RFWD3: variants seen among roughly 807,000 people sequenced by gnomAD.
RFWD3 encodes the protein ring finger and WD repeat domain 3, also known as E3 ubiquitin-protein ligase RFWD3.
A neutral mutation model predicts 87.7 loss-of-function variants in RFWD3; 65 were observed. The observed-to-expected ratio is 0.74, with a 90% CI of 0.61 to 0.91. The LOEUF (loss-of-function observed/expected upper bound fraction) is 0.91, where lower values mean the gene tolerates loss of function less well. Among genes scored for constraint, RFWD3 ranks in the 40% least tolerant of loss-of-function variants. The pLI is 0.00. For synonymous variants in RFWD3, 433 were observed against 352.8 expected, an observed-to-expected ratio of 1.23 and a Z score of -2.55; for missense variants, 1,078 against 938.5, an observed-to-expected ratio of 1.15 and a Z score of -1.94.
In RFWD3 at chr16:74,666,845, G is replaced by A. The variant is rs4887783; in HGVS notation, c.-62C>T. 6.6e-6 allele frequency: 1 copy of A among 150,860 alleles called. No homozygotes were observed. Among genetic ancestry groups the A allele is most frequent in the Non-Finnish European group, 1.5e-5 (1 of 67,736 alleles). The allele number at this position is 150,860 out of a possible 1,614,324, so 9.3% of individuals were successfully genotyped here. A position where few individuals can be genotyped will look rare whatever the true frequency, so the allele number is the denominator to read the frequency against. Reference sequence around the variant, plus strand: ...CCGCCGAAGACTCGGTAGTTACCTCGGCCGCACTCCGAATGCACCTACGCC... The same window carrying A: ...CCGCCGAAGACTCGGTAGTTACCTCAGCCGCACTCCGAATGCACCTACGCC... On this transcript the variant is annotated 5_prime_UTR_variant, in exon 1 of 13. Coordinates refer to ENST00000361070, the MANE Select transcript of RFWD3 (RefSeq NM_018124.4).
At chr16:74,665,482 G>A (rs555989390) in intron 1 of RFWD3, among the ~76,000 whole-genome samples, 242 of 152,196 alleles carry the variant, frequency 1.6e-3, no homozygotes, top group Middle Eastern at 3.4e-3. Flanking sequence ...GGAGGCTGAG[G>A]CAGGAGAATC....
intron 4 of RFWD3, 130 bp downstream of exon 4, chr16:74,649,002 A>G: frequency 2.1e-6 from 1 of 474,124 alleles, no homozygotes; most frequent in Non-Finnish European, 3.7e-6. Flanking sequence ...GGATCCTTTG[A>G]GCCCAGGAGT....
At position 74,623,098 on chromosome 16, in the gene RFWD3, T is replaced by G. The variant is rs1022636073; in HGVS notation, c.*830A>C. The G allele has an allele frequency of 8.5e-5, 13 of 152,232 alleles. No homozygotes were observed. Among genetic ancestry groups the G allele is most frequent in the African/African-American group, 3.1e-4 (13 of 41,440 alleles). The allele number at this position is 152,232 out of a possible 1,614,324, so 9.4% of individuals were successfully genotyped here. A position where few individuals can be genotyped will look rare whatever the true frequency, so the allele number is the denominator to read the frequency against. ...CATCTTTTCCTGGCAAGAGATAGTG[T>G]TCTTCAAAGCACTAGCTTGGATAAA... On this transcript the variant is annotated 3_prime_UTR_variant, in exon 13 of 13. Transcript: ENST00000361070.
chr16:74,630,554 A>G (rs542337447), intron 10 of RFWD3, among the ~76,000 whole-genome samples: 2 of 152,338 alleles, frequency 1.3e-5, no homozygotes, highest in East Asian at 3.9e-4. Context: ...GATGATTACT[A>G]TGAACCTGGC....
intron 9 of RFWD3, among the ~76,000 whole-genome samples, chr16:74,631,207 G>C (rs1959082324): frequency 2.0e-5 from 3 of 152,154 alleles, no homozygotes; most frequent in Admixed American, 2.0e-4. Flanking sequence ...AAAAGGGCTG[G>C]ACATGGTGGC....
chr16:74,628,528 C>A lies in RFWD3; in HGVS notation c.1893G>T (p.Leu631=), dbSNP rs748358449. 1.9e-6 allele frequency: 3 copies of A among 1,614,226 alleles called. No individual in the cohort carries two copies. In the South Asian group the frequency reaches 3.3e-5, roughly 18 times the overall value. Reference sequence around the variant, plus strand: ...CTATGCAGCCCCCTGGCTCCAAGGGCAGCACATGAGGCCAATGAGAAAAGT... The same window carrying A: ...CTATGCAGCCCCCTGGCTCCAAGGGAAGCACATGAGGCCAATGAGAAAAGT... ...KMDFSHWPHV[L]PLEPGGCIDF... The change falls in exon 11 of 13, where the codon CTG becomes CTT. Residue 631 remains leucine, a synonymous_variant. Transcript: ENST00000361070.
intron 11 of RFWD3, 73 bp downstream of exon 11, chr16:74,628,379 G>A: frequency 4.2e-6 from 6 of 1,438,576 alleles, no homozygotes; most frequent in South Asian, 1.2e-5. Flanking sequence ...CAAAGGGTAG[G>A]ATCAAACCCT....
intron 6 of RFWD3, chr16:74,643,973 G>T (rs995068760): frequency 2.7e-5 from 7 of 258,212 alleles, no homozygotes; most frequent in South Asian, 9.8e-5. Flanking sequence ...CACCATGCCC[G>T]GCCCTAGCAA....
chr16:74,657,343 C>A (rs1176162316), intron 2 of RFWD3, among the ~76,000 whole-genome samples: 1 of 152,146 alleles, frequency 6.6e-6, no homozygotes, highest in African/African-American at 2.4e-5. Context: ...TTGCTATAAG[C>A]ATTTGGTCAG....
chr16:74,628,710 G>A (rs774084387), intron 10 of RFWD3, 44 bp from the exon 11 acceptor site: 23 of 1,587,848 alleles, frequency 1.4e-5, no homozygotes, highest in South Asian at 4.4e-5. Context: ...TCCAAAACTC[G>A]GACGGCTCCA....
chr16:74,636,009 C>T (rs923155328), intron 8 of RFWD3, among the ~76,000 whole-genome samples: 9 of 152,182 alleles, frequency 5.9e-5, no homozygotes, highest in Non-Finnish European at 1.2e-4. Flanking sequence ...ACCCTTAGGG[C>T]TGTGTTTTGT....
In RFWD3 at chr16:74,643,822, T is replaced by C. The variant is rs570152660; in HGVS notation, c.1079+540A>G. ...TCCTCAGTAGCTGGGATTACAGGCG[T>C]CCGCCACTATGCCCGGCTAATTTTT... On this transcript the variant is annotated intron_variant, in intron 6 of 12. Transcript: ENST00000361070. 5.2e-4 allele frequency among the ~76,000 whole-genome samples: 79 copies of C among 152,106 alleles called. No homozygotes were observed. In the South Asian group the frequency reaches 0.016, roughly 30 times the overall value.
intron 11 of RFWD3, among the ~76,000 whole-genome samples, chr16:74,627,886 A>G (rs1472776889): frequency 6.6e-6 from 1 of 152,158 alleles, no homozygotes; most frequent in Non-Finnish European, 1.5e-5. Flanking sequence ...AACCTAGAAC[A>G]CTGACCATCA....
Position 74,628,628 on chromosome 16 carries a change from G to A in RFWD3, c.1793C>T (p.Ala598Val). Residue 598 changes from alanine to valine, a missense_variant, in exon 11 of 13, where the codon GCC (alanine) becomes GTC (valine). Physicochemically the swap from Ala to Val is moderately conservative, Grantham distance 64 (BLOSUM62 0). Transcript: ENST00000361070. ...LVSLSYMPRA[A>V]SAAFPYGGVL... ...CCCACCATATGGAAATGCAGCTGAG[G>A]CAGCTCTGGGCATGTATGACAGGGA... 6.2e-7 allele frequency: 1 copy of A among 1,614,178 alleles called. No homozygotes were observed. The highest frequency in any genetic ancestry group is 8.5e-7 in the Non-Finnish European group (1 of 1,180,050).
chr16:74,657,729 C>G (rs1257689503), intron 2 of RFWD3, among the ~76,000 whole-genome samples: 1 of 152,144 alleles, frequency 6.6e-6, no homozygotes, highest in Non-Finnish European at 1.5e-5. Context: ...CTGCCTCAGC[C>G]TCCCAAAATG....
chr16:74,637,122 T>TAAAA lies in RFWD3; in HGVS notation c.1195-549_1195-546dup, dbSNP rs759556308. On this transcript the variant is annotated intron_variant, in intron 7 of 12. Coordinates refer to ENST00000361070, the MANE Select transcript of RFWD3 (RefSeq NM_018124.4). ...AATGGTGGTTTCGTTTAAAGTCCTT[T>TAAAA]AAAAAAAAAAAAAAAAAAAAAAACA... Among the ~76,000 whole-genome samples, 44 of 101,746 alleles carry TAAAA rather than the reference T, an allele frequency of 4.3e-4. 2 individuals are homozygous for TAAAA. Among genetic ancestry groups the TAAAA allele is most frequent in the East Asian group, 1.5e-3 (5 of 3,416 alleles). 66.7% of individuals were successfully genotyped at this position (101,746 alleles called of 152,430 possible).
chr16:74,637,918 G>A lies in RFWD3; in HGVS notation c.1132C>T (p.Gln378Ter). 6.2e-7 allele frequency: 1 copy of A among 1,612,756 alleles called. No homozygotes were observed. The highest frequency in any genetic ancestry group is 8.5e-7 in the Non-Finnish European group (1 of 1,179,832). The change falls in exon 7 of 13, where the codon CAG (glutamine) becomes TAG (stop). Residue 378 changes from glutamine to a stop codon, truncating the protein, a stop_gained. Transcript: ENST00000361070. LOFTEE classifies it high-confidence loss of function. Reference protein sequence around the residue: ...LRKQAELESAQCRLQLQVLTD... With the variant: ...LRKQAELESA ...AGGACCTGCAGTTGGAGTCGGCACT[G>A]TGCTGATTCTAACTCGGCCTGTTTC...
intron 5 of RFWD3, 35 bp downstream of exon 5, chr16:74,644,506 T>TC (rs1410240102): frequency 6.2e-7 from 1 of 1,614,018 alleles, no homozygotes; most frequent in African/African-American, 1.3e-5. Flanking sequence ...CTGCCTGACT[T>TC]AACATGTTAA....
intron 8 of RFWD3, 22 bp downstream of exon 8, chr16:74,636,324 G>A: frequency 6.3e-7 from 1 of 1,592,764 alleles, no homozygotes; most frequent in East Asian, 2.2e-5. Context: ...GAACATGAAA[G>A]CTGAGGTTCT....
Sources: gnomAD v4.1 joint callset for allele counts (sites outside exome capture counted in the v4.1 genomes callset) on GRCh38, gnomAD v4.1.1 for gene constraint, MANE v1.5 for transcripts, NCBI Gene and HGNC (gene_info 2026-07-23, HGNC 2026-07-21) for gene names.